OIT3: variants seen among roughly 807,000 people sequenced by gnomAD.
The protein encoded by OIT3 is oncoprotein-induced transcript 3 protein.
OIT3 carries 41 observed loss-of-function variants against 52.2 expected under a neutral mutation model. That is an observed-to-expected ratio of 0.79 (90% CI 0.61 to 1.02). The LOEUF (loss-of-function observed/expected upper bound fraction) is 1.02. OIT3 is among the 50% of genes least tolerant of loss of function. The probability of loss-of-function intolerance (pLI) is 0.00; values close to 1 mark genes in which losing one functional copy is unlikely to be tolerated. For synonymous variants in OIT3, 244 were observed against 276.9 expected, an observed-to-expected ratio of 0.88 and a Z score of 1.18; for missense variants, 634 against 715.5, an observed-to-expected ratio of 0.89 and a Z score of 1.30.
At chr10:72,919,971 T>G (rs549950406) in intron 6 of OIT3, among the ~76,000 whole-genome samples, 50 of 152,338 alleles carry the variant, frequency 3.3e-4, no homozygotes, top group African/African-American at 1.2e-3. Flanking sequence ...TAGAATGACT[T>G]AAGTAAGAGT....
intron 4 of OIT3, among the ~76,000 whole-genome samples, chr10:72,910,269 A>G (rs1176274405): frequency 6.6e-6 from 1 of 152,206 alleles, no homozygotes; most frequent in African/African-American, 2.4e-5. Flanking sequence ...TTAACATCTT[A>G]TAGCATATTT....
chr10:72,903,246 A>T (rs1447222658), intron 3 of OIT3, among the ~76,000 whole-genome samples: 1 of 151,708 alleles, frequency 6.6e-6, no homozygotes, highest in African/African-American at 2.4e-5. Flanking sequence ...TTTTTTTGAG[A>T]TGGAGTTTCA....
Position 72,899,301 on chromosome 10 carries a change from A to G in OIT3, c.436+263A>G, listed in dbSNP as rs569873421. Reference sequence around the variant, plus strand: ...GAATTCCATTCAAACAAAACATTAGAAAATGAAACATTGGGCCAGGCGCAG... The same window carrying G: ...GAATTCCATTCAAACAAAACATTAGGAAATGAAACATTGGGCCAGGCGCAG... On this transcript the variant is annotated intron_variant, in intron 2 of 8. Coordinates refer to ENST00000334011, the MANE Select transcript of OIT3 (RefSeq NM_152635.3). Among the ~76,000 whole-genome samples, 50 of 152,318 alleles carry G rather than the reference A, an allele frequency of 3.3e-4. 1 individual carries two copies. The highest frequency in any genetic ancestry group is 1.7e-3 in the South Asian group (8 of 4,832).
At chr10:72,899,070 C>T in intron 2 of OIT3, 32 bp downstream of exon 2, 7 of 1,563,102 alleles carry the variant, frequency 4.5e-6, no homozygotes, top group Non-Finnish European at 6.1e-6. Context: ...TTTTTCTCCA[C>T]CAACAAGGCC....
In OIT3 at chr10:72,932,561, T is replaced by G; in HGVS notation, c.*37T>G. Reference sequence around the variant, plus strand: ...ACCTCGAGTCCCTGCATTGGACGGCTCTGCTCTTTGGAGCTTCTCCCCCCA... The same window carrying G: ...ACCTCGAGTCCCTGCATTGGACGGCGCTGCTCTTTGGAGCTTCTCCCCCCA... On this transcript the variant is annotated 3_prime_UTR_variant, in exon 9 of 9. Transcript: ENST00000334011. 1 of 1,538,972 alleles carries G rather than the reference T, an allele frequency of 6.5e-7. No individual in the cohort carries two copies. The highest frequency in any genetic ancestry group is 8.8e-7 in the Non-Finnish European group (1 of 1,141,516).
intron 1 of OIT3, among the ~76,000 whole-genome samples, chr10:72,896,967 A>G (rs1179859342): frequency 6.6e-6 from 1 of 152,198 alleles, no homozygotes; most frequent in Non-Finnish European, 1.5e-5. Flanking sequence ...AGCAATGAGA[A>G]TATTGGAGAT....
intron 2 of OIT3, among the ~76,000 whole-genome samples, chr10:72,899,360 G>C (rs1201572565): frequency 6.6e-6 from 1 of 152,170 alleles, no homozygotes; most frequent in African/African-American, 2.4e-5. Flanking sequence ...ACTTTGGGAG[G>C]CTGAGGCAGG....
At chr10:72,894,069 A>G (rs1468799883) in intron 1 of OIT3, among the ~76,000 whole-genome samples, 1 of 152,110 alleles carries the variant, frequency 6.6e-6, no homozygotes, top group Non-Finnish European at 1.5e-5. Context: ...CAAAATTTCC[A>G]TGGATCTGCC....
At chr10:72,922,317 A>G (rs1367487853) in intron 6 of OIT3, among the ~76,000 whole-genome samples, 2 of 151,586 alleles carry the variant, frequency 1.3e-5, no homozygotes, top group East Asian at 3.9e-4. Context: ...AGGTACCCCA[A>G]TCAGTCATAT....
intron 3 of OIT3, among the ~76,000 whole-genome samples, chr10:72,905,881 T>A (rs1845975153): frequency 1.3e-5 from 2 of 152,194 alleles, no homozygotes; most frequent in East Asian, 1.9e-4. Flanking sequence ...AGGTCATGCC[T>A]CCTGTCATCG....
chr10:72,917,730 A>T, intron 6 of OIT3: 1 of 1,119,832 alleles, frequency 8.9e-7, no homozygotes, highest in Non-Finnish European at 1.3e-6. Context: ...CTTGGCTGCC[A>T]CTTTGGGAAG....
chr10:72,904,299 C>T (rs749025900), intron 3 of OIT3, among the ~76,000 whole-genome samples: 11 of 152,060 alleles, frequency 7.2e-5, no homozygotes, highest in African/African-American at 1.9e-4. Context: ...AGCTCCCGGC[C>T]GAATAAAGCC....
At chr10:72,917,308 G>GT (rs138433483) in intron 6 of OIT3, among the ~76,000 whole-genome samples, 5,952 of 148,268 alleles carry the variant, frequency 0.04, 388 homozygotes, top group African/African-American at 0.14. Flanking sequence ...TACATTTAAG[G>GT]TTTTTTTTTT....
intron 7 of OIT3, among the ~76,000 whole-genome samples, chr10:72,926,301 A>T (rs1846169495): frequency 6.6e-6 from 1 of 152,224 alleles, no homozygotes; most frequent in Admixed American, 6.5e-5. Context: ...TTGCGCAGTG[A>T]TATTTCACCC....
intron 3 of OIT3, among the ~76,000 whole-genome samples, chr10:72,903,737 T>G (rs1224014896): frequency 6.6e-6 from 1 of 152,186 alleles, no homozygotes; most frequent in African/African-American, 2.4e-5. Context: ...AACATAAAAA[T>G]GATACCTTAC....
intron 6 of OIT3, chr10:72,913,742 G>C (rs907023506): frequency 3.1e-5 from 17 of 552,906 alleles, no homozygotes; most frequent in African/African-American, 3.0e-4. Flanking sequence ...AGTACCAGTG[G>C]TACTGGGAGG....
chr10:72,931,375 T>C (rs1325401060), intron 8 of OIT3, among the ~76,000 whole-genome samples: 1 of 152,156 alleles, frequency 6.6e-6, no homozygotes, highest in Non-Finnish European at 1.5e-5. Flanking sequence ...CCTGTAGTCC[T>C]AGCTTACTTA....
chr10:72,901,126 T>A (rs909425893), intron 3 of OIT3, among the ~76,000 whole-genome samples: 7 of 152,110 alleles, frequency 4.6e-5, no homozygotes, highest in Non-Finnish European at 7.4e-5. Context: ...ATATTTTGCA[T>A]ATAATTGGGT....
chr10:72,895,228 CT>C lies in OIT3; in HGVS notation c.61+1370del, dbSNP rs776869110. Among the ~76,000 whole-genome samples, 3 of 152,170 alleles carry C rather than the reference CT, an allele frequency of 2.0e-5. No homozygotes were observed. The South Asian group carries it at 6.2e-4, about 32-fold the overall frequency. On this transcript the variant is annotated intron_variant, in intron 1 of 8. Coordinates refer to ENST00000334011, the MANE Select transcript of OIT3 (RefSeq NM_152635.3). ...TGAGCTACCTGTCATTAATCACCCC[CT>C]ATCTGCTGCCAATAACTAACCCAAG...
Sources: allele counts gnomAD v4.1 joint callset (sites outside exome capture counted in the v4.1 genomes callset), GRCh38; gene constraint gnomAD v4.1.1; transcripts MANE v1.5; gene names NCBI Gene and HGNC (gene_info 2026-07-23, HGNC 2026-07-21).